Variants in IGF2BP2 observed in about 807,000 individuals in gnomAD.
IGF2BP2 encodes the protein insulin like growth factor 2 mRNA binding protein 2, also known as insulin-like growth factor 2 mRNA-binding protein 2.
IGF2BP2 carries 17 observed loss-of-function variants against 75.8 expected under a neutral mutation model. That is an observed-to-expected ratio of 0.22 (90% CI 0.15 to 0.34). IGF2BP2 has a LOEUF of 0.34. Among genes scored for constraint, IGF2BP2 ranks in the 10% least tolerant of loss-of-function variants. The pLI, the probability that IGF2BP2 is intolerant of heterozygous loss-of-function variation, is 1.00. For missense variants in IGF2BP2, 516 were observed against 772.4 expected (o/e 0.67, Z 3.93); for synonymous variants, 288 against 295.6 (o/e 0.97, Z 0.26).
intron 2 of IGF2BP2, among the ~76,000 whole-genome samples, chr3:185,777,730 A>G (rs1734698441): frequency 6.6e-6 from 1 of 152,208 alleles, no homozygotes; most frequent in South Asian, 2.1e-4. Context: ...AGCATCTCCT[A>G]TCACCACACA....
chr3:185,788,488 G>A (rs2149841620), intron 2 of IGF2BP2, among the ~76,000 whole-genome samples: 1 of 152,110 alleles, frequency 6.6e-6, no homozygotes, highest in South Asian at 2.1e-4. Context: ...TCTCAGCCTG[G>A]GCAACAGAGC....
chr3:185,690,608 T>C (rs896248656), intron 5 of IGF2BP2, among the ~76,000 whole-genome samples: 2 of 152,192 alleles, frequency 1.3e-5, no homozygotes, highest in African/African-American at 2.4e-5. Flanking sequence ...TTACACACAC[T>C]GTCACCATTG....
intron 2 of IGF2BP2, among the ~76,000 whole-genome samples, chr3:185,705,951 G>C (rs1723965020): frequency 6.6e-6 from 1 of 152,216 alleles, no homozygotes; most frequent in East Asian, 1.9e-4. Context: ...AAAAGCAATA[G>C]TCTGAGATTA....
At chr3:185,665,011 GA>G (rs1197921957) in intron 10 of IGF2BP2, among the ~76,000 whole-genome samples, 10 of 151,804 alleles carry the variant, frequency 6.6e-5, no homozygotes, top group African/African-American at 1.4e-4. Flanking sequence ...TACCGGGGGG[GA>G]AAAACAGACA....
intron 7 of IGF2BP2, among the ~76,000 whole-genome samples, chr3:185,678,030 G>C (rs1719818236): frequency 6.6e-6 from 1 of 152,200 alleles, no homozygotes; most frequent in Non-Finnish European, 1.5e-5. Context: ...AAGGGGCATA[G>C]AGCTTTATTT....
intron 7 of IGF2BP2, among the ~76,000 whole-genome samples, chr3:185,684,864 C>A (rs966046583): frequency 6.6e-5 from 10 of 151,636 alleles, no homozygotes; most frequent in African/African-American, 2.4e-4. Context: ...AAAGCAGGAA[C>A]CAAGTCCTGC....
At chr3:185,693,133 T>C (rs1722171416) in intron 4 of IGF2BP2, 2 of 170,942 alleles carry the variant, frequency 1.2e-5, no homozygotes, top group Admixed American at 6.1e-5. Flanking sequence ...GTAAGTAGGC[T>C]GTTCCCACTA....
intron 2 of IGF2BP2, among the ~76,000 whole-genome samples, chr3:185,757,176 C>T (rs1011890213): frequency 1.3e-5 from 2 of 152,178 alleles, no homozygotes; most frequent in Admixed American, 6.5e-5. Flanking sequence ...CAACTCTTCT[C>T]CTCTTCCTTG....
At chr3:185,682,104 T>A (rs550061348) in intron 7 of IGF2BP2, among the ~76,000 whole-genome samples, 1 of 152,242 alleles carries the variant, frequency 6.6e-6, no homozygotes, top group South Asian at 2.1e-4. Context: ...AAGGATATAA[T>A]CAACAGAGTG....
At chr3:185,760,716 A>C (rs1165686903) in intron 2 of IGF2BP2, among the ~76,000 whole-genome samples, 1 of 152,166 alleles carries the variant, frequency 6.6e-6, no homozygotes, top group Non-Finnish European at 1.5e-5. Context: ...GATACGAGGA[A>C]TATCTGGCCG....
At chr3:185,792,274 T>C (rs376122712) in intron 2 of IGF2BP2, among the ~76,000 whole-genome samples, 7 of 152,108 alleles carry the variant, frequency 4.6e-5, no homozygotes, top group Non-Finnish European at 8.8e-5. Flanking sequence ...CAACTAGTTT[T>C]GAAATTGAGT....
At chr3:185,748,295 C>T (rs1025101826) in intron 2 of IGF2BP2, among the ~76,000 whole-genome samples, 2 of 152,214 alleles carry the variant, frequency 1.3e-5, no homozygotes, top group Non-Finnish European at 2.9e-5. Flanking sequence ...AATGGATACA[C>T]TACTAGGTAT....
At chr3:185,672,509 A>G (rs765509485) in intron 10 of IGF2BP2, 32 bp downstream of exon 10, 4 of 1,606,690 alleles carry the variant, frequency 2.5e-6, no homozygotes, top group African/African-American at 2.7e-5. Flanking sequence ...TGCCCAGCGC[A>G]TAAGCAAACC....
intron 2 of IGF2BP2, among the ~76,000 whole-genome samples, chr3:185,748,412 T>C (rs1254117130): frequency 6.6e-6 from 1 of 152,248 alleles, no homozygotes; most frequent in Non-Finnish European, 1.5e-5. Flanking sequence ...CAAAGCCTGC[T>C]GCTATTCCTA....
At chr3:185,751,523 A>G (rs1236645174) in intron 2 of IGF2BP2, among the ~76,000 whole-genome samples, 1 of 144,670 alleles carries the variant, frequency 6.9e-6, no homozygotes, top group African/African-American at 2.6e-5. Context: ...GAGGCAGGAG[A>G]ATTGCTACTA....
chr3:185,672,712 G>T lies in IGF2BP2; in HGVS notation c.1072-43C>A, dbSNP rs751981648. The T allele has an allele frequency of 8.1e-6, 13 of 1,612,084 alleles. No homozygotes were observed. In the Admixed American group the frequency reaches 1.2e-4, roughly 14 times the overall value. On this transcript the variant is annotated intron_variant, in intron 9 of 15. Transcript: ENST00000382199. The stretch of plus-strand genomic sequence containing the variant: ...GAAAAAAGATGAAGGGAGGAGACCA[G>T]AGAGGCCCGCACGCCTGGGTCAACC...
At chr3:185,682,666 A>G (rs942997844) in intron 7 of IGF2BP2, among the ~76,000 whole-genome samples, 3 of 152,186 alleles carry the variant, frequency 2.0e-5, no homozygotes, top group Non-Finnish European at 2.9e-5. Flanking sequence ...ACAAATGGCC[A>G]ATAAATATAT....
intron 2 of IGF2BP2, among the ~76,000 whole-genome samples, chr3:185,769,830 CAAAAAAAAAAA>C (rs35418660): frequency 1.2e-4 from 9 of 77,172 alleles, no homozygotes; most frequent in Admixed American, 8.2e-4. Context: ...ACCCTGTCTC[CAAAAAAAAAAA>C]AAAAAAAAAA....
At chr3:185,765,537 T>C (rs537525349) in intron 2 of IGF2BP2, among the ~76,000 whole-genome samples, 1 of 152,240 alleles carries the variant, frequency 6.6e-6, no homozygotes, top group East Asian at 1.9e-4. Context: ...TCTCCATTTC[T>C]AGATGCCAGT....
Sources: gnomAD v4.1 joint callset for allele counts (sites outside exome capture counted in the v4.1 genomes callset) on GRCh38, gnomAD v4.1.1 for gene constraint, MANE v1.5 for transcripts, NCBI Gene and HGNC (gene_info 2026-07-23, HGNC 2026-07-21) for gene names.